Variants in ARL15 observed in about 807,000 individuals in gnomAD.
The protein encoded by ARL15 is ARF like GTPase 15, also known as ADP-ribosylation factor-like protein 15.
A neutral mutation model predicts 25.2 loss-of-function variants in ARL15; 19 were observed. The ratio of observed to expected loss-of-function variants is 0.75; its 90% CI spans 0.53 to 1.10. The LOEUF (loss-of-function observed/expected upper bound fraction) is 1.10, where lower values mean the gene tolerates loss of function less well. Among genes scored for constraint, ARL15 ranks in the 50% least tolerant of loss-of-function variants. ARL15 has a pLI of 0.00. For synonymous variants in ARL15, 94 were observed against 86.8 expected (o/e 1.08, Z -0.46); for missense variants, 220 against 246.0 (o/e 0.89, Z 0.71).
chr5:53,889,036 C>T (rs1744632588), intron 4 of ARL15, among the ~76,000 whole-genome samples: 1 of 151,814 alleles, frequency 6.6e-6, no homozygotes, highest in South Asian at 2.1e-4. Context: ...AAGTTGTGTC[C>T]CTGATACATA....
At chr5:54,030,131 T>C (rs1045589185) in intron 4 of ARL15, among the ~76,000 whole-genome samples, 6 of 152,132 alleles carry the variant, frequency 3.9e-5, no homozygotes, top group Non-Finnish European at 5.9e-5. Flanking sequence ...GCTATGATCG[T>C]GCCACTGTAT....
chr5:54,297,395 T>G (rs1204914272), intron 1 of ARL15, among the ~76,000 whole-genome samples: 1 of 152,226 alleles, frequency 6.6e-6, no homozygotes, highest in Non-Finnish European at 1.5e-5. Context: ...AGGACTGAAA[T>G]CTGGTTGCAG....
At chr5:54,222,884 A>G (rs555291040) in intron 1 of ARL15, among the ~76,000 whole-genome samples, 1 of 152,190 alleles carries the variant, frequency 6.6e-6, no homozygotes, top group African/African-American at 2.4e-5. Flanking sequence ...CAGTGGCACA[A>G]TCTCGGCTGA....
At chr5:54,103,904 G>A (rs1446670556) in intron 4 of ARL15, among the ~76,000 whole-genome samples, 3 of 152,188 alleles carry the variant, frequency 2.0e-5, no homozygotes, top group African/African-American at 7.2e-5. Flanking sequence ...TGCCAGAAAT[G>A]GACCAGCTTT....
At chr5:54,286,881 T>C (rs1393301974) in intron 1 of ARL15, among the ~76,000 whole-genome samples, 1 of 151,428 alleles carries the variant, frequency 6.6e-6, no homozygotes, top group Admixed American at 6.6e-5. Context: ...TTTTTTTTTT[T>C]TTAATGAGAC....
chr5:54,089,946 C>T (rs1579787681), intron 4 of ARL15, among the ~76,000 whole-genome samples: 1 of 152,064 alleles, frequency 6.6e-6, no homozygotes, highest in East Asian at 1.9e-4. Context: ...TTTTAAAACC[C>T]AGATAATACC....
chr5:54,089,377 A>C (rs1752065886), intron 4 of ARL15, among the ~76,000 whole-genome samples: 1 of 152,176 alleles, frequency 6.6e-6, no homozygotes, highest in Non-Finnish European at 1.5e-5. Context: ...TTAGATAATA[A>C]ATTTAGGTAA....
intron 4 of ARL15, chr5:54,047,881 T>C (rs1038131207): frequency 6.6e-6 from 1 of 152,234 alleles, no homozygotes; most frequent in African/African-American, 2.4e-5. Flanking sequence ...GTCATTCTAA[T>C]GGTATGATGA....
chr5:53,913,977 T>C (rs1745547047), intron 4 of ARL15, among the ~76,000 whole-genome samples: 2 of 152,212 alleles, frequency 1.3e-5, no homozygotes, highest in South Asian at 4.1e-4. Context: ...TCTTCCCTCC[T>C]GAAATCACAG....
At chr5:54,183,259 C>A (rs1486025085) in intron 1 of ARL15, among the ~76,000 whole-genome samples, 1 of 94,846 alleles carries the variant, frequency 1.1e-5, no homozygotes, top group Admixed American at 1.2e-4. Flanking sequence ...CAGTTTTTGC[C>A]CATTCAGTAT....
intron 4 of ARL15, among the ~76,000 whole-genome samples, chr5:53,985,041 T>G (rs1015463351): frequency 6.6e-6 from 1 of 152,200 alleles, no homozygotes; most frequent in Non-Finnish European, 1.5e-5. Flanking sequence ...AAGCTCACTA[T>G]CTAAATTATT....
intron 1 of ARL15, among the ~76,000 whole-genome samples, chr5:54,269,941 G>A (rs1757738393): frequency 1.3e-5 from 2 of 152,282 alleles, no homozygotes; most frequent in South Asian, 2.1e-4. Flanking sequence ...CACCACGCCC[G>A]GCCTGAGGAT....
At chr5:54,280,857 T>A (rs1394545738) in intron 1 of ARL15, among the ~76,000 whole-genome samples, 1 of 152,100 alleles carries the variant, frequency 6.6e-6, no homozygotes, top group Non-Finnish European at 1.5e-5. Context: ...TGTCAAGACA[T>A]TTTATCACTT....
intron 3 of ARL15, among the ~76,000 whole-genome samples, chr5:54,141,889 T>C (rs1360056977): frequency 2.6e-5 from 4 of 152,248 alleles, no homozygotes; most frequent in Non-Finnish European, 5.9e-5. Context: ...TGTTGTTGCA[T>C]GTATCAATAG....
At chr5:54,264,211 C>A (rs1005988243) in intron 1 of ARL15, among the ~76,000 whole-genome samples, 11 of 152,060 alleles carry the variant, frequency 7.2e-5, no homozygotes, top group Admixed American at 5.2e-4. Flanking sequence ...CCCTAAAAAA[C>A]CCCCATATGA....
intron 3 of ARL15, among the ~76,000 whole-genome samples, chr5:54,130,062 G>A (rs1054776540): frequency 2.6e-5 from 4 of 152,032 alleles, no homozygotes; most frequent in Admixed American, 1.3e-4. Flanking sequence ...AACAGAGGGA[G>A]ACCTCGTCTC....
At chr5:54,012,857 C>T (rs1302759791) in intron 4 of ARL15, among the ~76,000 whole-genome samples, 14 of 140,124 alleles carry the variant, frequency 1.0e-4, no homozygotes, top group African/African-American at 3.0e-4. Context: ...CTCGCTCTGT[C>T]GCCAAGGCCG....
At chr5:54,125,070 G>GTTTTTT (rs1753203668) in intron 3 of ARL15, among the ~76,000 whole-genome samples, 1 of 135,992 alleles carries the variant, frequency 7.4e-6, no homozygotes, top group African/African-American at 2.9e-5. Flanking sequence ...CAAGTTTTTT[G>GTTTTTT]TTTTGTTTTG....
intron 4 of ARL15, among the ~76,000 whole-genome samples, chr5:54,074,589 A>G (rs765119305): frequency 1.3e-5 from 2 of 152,202 alleles, no homozygotes; most frequent in African/African-American, 2.4e-5. Context: ...TGTGAGCTTA[A>G]GTGTCTTTCC....
Sources: gnomAD v4.1 joint callset for allele counts (sites outside exome capture counted in the v4.1 genomes callset) on GRCh38, gnomAD v4.1.1 for gene constraint, MANE v1.5 for transcripts, NCBI Gene and HGNC (gene_info 2026-07-23, HGNC 2026-07-21) for gene names.